Variants in SORL1 observed in about 807,000 individuals in gnomAD.
The protein encoded by SORL1 is sortilin-related receptor.
In SORL1, 127 loss-of-function variants were observed where a neutral mutation model predicts 273.7. That is an observed-to-expected ratio of 0.46 (90% CI 0.40 to 0.54). The LOEUF is 0.54. Ranked by LOEUF, SORL1 falls within the 20% of genes least tolerant of loss-of-function variation. The pLI is 0.00. For missense variants in SORL1, 2,494 were observed against 2,846.1 expected, an observed-to-expected ratio of 0.88 and a Z score of 2.81; for synonymous variants, 1,031 against 1,067.4, an observed-to-expected ratio of 0.97 and a Z score of 0.66.
intron 39 of SORL1, chr11:121,612,532 A>T: frequency 2.4e-6 from 1 of 409,070 alleles, no homozygotes; most frequent in East Asian, 4.0e-5. Context: ...GTTTGTTTTT[A>T]GAAGTAGGTG....
intron 1 of SORL1, among the ~76,000 whole-genome samples, chr11:121,458,311 C>A (rs1300310625): frequency 6.6e-6 from 1 of 151,994 alleles, no homozygotes; most frequent in Non-Finnish European, 1.5e-5. Context: ...GAATTTGCGA[C>A]AATAATTCAG....
chr11:121,493,664 T>C (rs976432982), intron 5 of SORL1, among the ~76,000 whole-genome samples: 9 of 152,274 alleles, frequency 5.9e-5, no homozygotes, highest in African/African-American at 2.2e-4. Flanking sequence ...AGATCGTATG[T>C]GTGTGTATTT....
intron 3 of SORL1, among the ~76,000 whole-genome samples, chr11:121,481,922 C>G (rs1335400380): frequency 7.5e-5 from 11 of 146,520 alleles, no homozygotes; most frequent in Admixed American, 6.8e-4. Flanking sequence ...TGCACAGATA[C>G]CTATAGGCAG....
chr11:121,598,357 G>A (rs368502804), intron 32 of SORL1, among the ~76,000 whole-genome samples: 9 of 152,288 alleles, frequency 5.9e-5, no homozygotes, highest in African/African-American at 2.2e-4. Flanking sequence ...GAAAAAGGAA[G>A]AATGAGGGTT....
rs768197509 is a variant in SORL1, at chr11:121,543,685, A to G, written c.1823A>G (p.His608Arg). The G allele has an allele frequency of 1.9e-6, 3 of 1,613,970 alleles. No individual in the cohort carries two copies. Among genetic ancestry groups the G allele is most frequent in the South Asian group, 1.1e-5 (1 of 91,092 alleles). ...TTTGGCTCGAACAAAGAGAATGTCC[A>G]CAGCTGGCTGATCCTCCAGGTCAAT... is the stretch of plus-strand genomic sequence containing the variant. ...TIFGSNKENV[H>R]SWLILQVNAT... The change falls in exon 13 of 48, where the codon CAC (histidine) becomes CGC (arginine). Residue 608 changes from histidine (H) to arginine (R), a missense_variant. His to Arg is a conservative substitution (Grantham distance 29). Coordinates refer to ENST00000260197, the MANE Select transcript of SORL1 (RefSeq NM_003105.6).
chr11:121,544,341 A>G (rs1862392062), intron 13 of SORL1, among the ~76,000 whole-genome samples: 1 of 152,004 alleles, frequency 6.6e-6, no homozygotes, highest in African/African-American at 2.4e-5. Context: ...TCAGGATCCA[A>G]CACATTTGTG....
At chr11:121,574,604 C>T (rs575446858) in intron 24 of SORL1, among the ~76,000 whole-genome samples, 218 of 152,150 alleles carry the variant, frequency 1.4e-3, no homozygotes, top group African/African-American at 5.1e-3. Flanking sequence ...GAACTGGGAC[C>T]CTAGATTCCC....
intron 7 of SORL1, among the ~76,000 whole-genome samples, chr11:121,513,683 G>A (rs571121651): frequency 3.1e-4 from 47 of 152,288 alleles, no homozygotes; most frequent in Non-Finnish European, 6.6e-4. Flanking sequence ...TTGGTGAAAG[G>A]TAAGTAGCTC....
intron 12 of SORL1, among the ~76,000 whole-genome samples, chr11:121,540,455 T>C (rs1862329695): frequency 6.8e-6 from 1 of 147,702 alleles, no homozygotes; most frequent in South Asian, 2.1e-4. Flanking sequence ...GGTGGGTGGA[T>C]CATTTGATGT....
Position 121,539,302 on chromosome 11 carries a change from A to G in SORL1, c.1686-4246A>G, listed in dbSNP as rs58450426. Among the ~76,000 whole-genome samples the G allele has an allele frequency of 2.2e-3, 334 of 152,344 alleles. 5 individuals are homozygous for G. The highest frequency in any genetic ancestry group is 7.5e-3 in the African/African-American group (312 of 41,580). Reference sequence around the variant, plus strand: ...TCTGTTGTGACTTGTGTGTGAAACCATTTGGGTTCTTAGCCTTGACCTCCT... The same window carrying G: ...TCTGTTGTGACTTGTGTGTGAAACCGTTTGGGTTCTTAGCCTTGACCTCCT... On this transcript the variant is annotated intron_variant, in intron 12 of 47. Coordinates refer to ENST00000260197, the MANE Select transcript of SORL1 (RefSeq NM_003105.6).
At chr11:121,495,698 A>G (rs1444610583) in intron 5 of SORL1, among the ~76,000 whole-genome samples, 2 of 152,136 alleles carry the variant, frequency 1.3e-5, no homozygotes, top group African/African-American at 4.8e-5. Flanking sequence ...TGGAGCAGAT[A>G]AGTTGTCCTC....
At chr11:121,559,453 AC>A in intron 20 of SORL1, 65 bp from the exon 21 acceptor site, 1 of 1,522,168 alleles carries the variant, frequency 6.6e-7, no homozygotes, top group Non-Finnish European at 8.9e-7. Flanking sequence ...GGGAACTCTT[AC>A]CCTTAGAGAG....
chr11:121,607,104 C>T, intron 36 of SORL1, 82 bp from the exon 37 acceptor site: 1 of 1,045,122 alleles, frequency 9.6e-7, no homozygotes, highest in South Asian at 1.3e-5. Context: ...CATCTTTTCT[C>T]TCCTCCAGCC....
At chr11:121,605,755 A>G (rs975349527) in intron 35 of SORL1, among the ~76,000 whole-genome samples, 184 bp downstream of exon 35, 2 of 152,066 alleles carry the variant, frequency 1.3e-5, no homozygotes, top group Non-Finnish European at 2.9e-5. Context: ...TGCATCAGAG[A>G]CTGTTCTTGT....
At chr11:121,590,417 T>C in intron 30 of SORL1, 2 of 511,256 alleles carry the variant, frequency 3.9e-6, no homozygotes, top group Non-Finnish European at 6.9e-6. Context: ...GCCTTCCTAC[T>C]CAAAGTATGG....
chr11:121,469,913 A>T, intron 1 of SORL1, 94 bp from the exon 2 acceptor site: 1 of 921,314 alleles, frequency 1.1e-6, no homozygotes, highest in South Asian at 1.4e-5. Flanking sequence ...AATCTTCATC[A>T]TTTCTGCTTG....
intron 1 of SORL1, among the ~76,000 whole-genome samples, chr11:121,458,042 G>A (rs1860934913): frequency 6.6e-6 from 1 of 152,230 alleles, no homozygotes; most frequent in Non-Finnish European, 1.5e-5. Context: ...GGCAGAGATA[G>A]TTGGAGCCAG....
intron 3 of SORL1, among the ~76,000 whole-genome samples, chr11:121,478,695 G>A (rs200298332): frequency 6.7e-6 from 1 of 149,776 alleles, no homozygotes; most frequent in Non-Finnish European, 1.5e-5. Flanking sequence ...TGTGCGTGTG[G>A]GTACCTGTGT....
chr11:121,525,607 T>C (rs1862109661), intron 11 of SORL1, among the ~76,000 whole-genome samples: 1 of 152,252 alleles, frequency 6.6e-6, no homozygotes, highest in South Asian at 2.1e-4. Flanking sequence ...TTAGTCTTTT[T>C]AATTTTAGAC....
Sources: gnomAD v4.1 joint callset for allele counts (sites outside exome capture counted in the v4.1 genomes callset) on GRCh38, gnomAD v4.1.1 for gene constraint, MANE v1.5 for transcripts, NCBI Gene and HGNC (gene_info 2026-07-23, HGNC 2026-07-21) for gene names.